The following SGCD variants were observed in gnomAD, a reference collection of about 807,000 sequenced individuals.
SGCD encodes the protein delta-sarcoglycan.
SGCD carries 18 observed loss-of-function variants against 36.6 expected under a neutral mutation model. The ratio of observed to expected loss-of-function variants is 0.49; its 90% CI spans 0.34 to 0.73. SGCD has a LOEUF of 0.73. SGCD is among the 30% of genes least tolerant of loss of function. The pLI is 0.01. For synonymous variants in SGCD, 133 were observed against 130.6 expected, an observed-to-expected ratio of 1.02 and a Z score of -0.12; for missense variants, 387 against 346.7, an observed-to-expected ratio of 1.12 and a Z score of -0.92.
chr5:156,133,797 G>A (rs938204351), intron 3 of SGCD, among the ~76,000 whole-genome samples: 1 of 151,358 alleles, frequency 6.6e-6, no homozygotes, highest in South Asian at 2.1e-4. Context: ...ATTATGTTTT[G>A]CAGTCTGTTT....
chr5:156,342,893 C>T (rs1768739214), intron 2 of SGCD, among the ~76,000 whole-genome samples: 1 of 152,158 alleles, frequency 6.6e-6, no homozygotes, highest in South Asian at 2.1e-4. Flanking sequence ...TCAATCATTC[C>T]ACACACATAT....
chr5:156,531,911 C>G (rs892428440), intron 4 of SGCD, among the ~76,000 whole-genome samples: 1 of 151,990 alleles, frequency 6.6e-6, no homozygotes, highest in Non-Finnish European at 1.5e-5. Flanking sequence ...GAGTTCGAGA[C>G]CAGCCTGGCC....
chr5:156,634,474 C>A (rs1031420679), intron 6 of SGCD, among the ~76,000 whole-genome samples: 1 of 152,128 alleles, frequency 6.6e-6, no homozygotes. Context: ...ACAACAACAA[C>A]AACAACAAAC....
chr5:156,107,087 T>C (rs1343041727), intron 1 of SGCD, among the ~76,000 whole-genome samples: 11 of 152,174 alleles, frequency 7.2e-5, no homozygotes, highest in Non-Finnish European at 1.3e-4. Context: ...TGATATACAG[T>C]CACTCTATTT....
At chr5:156,368,182 C>T (rs1241731525) in intron 3 of SGCD, among the ~76,000 whole-genome samples, 2 of 152,010 alleles carry the variant, frequency 1.3e-5, no homozygotes, top group African/African-American at 4.8e-5. Context: ...ACCTCTGCCT[C>T]CCGGGTTCAA....
intron 3 of SGCD, among the ~76,000 whole-genome samples, chr5:156,358,958 C>G (rs896745471): frequency 6.6e-6 from 1 of 151,922 alleles, no homozygotes; most frequent in Non-Finnish European, 1.5e-5. Context: ...TGCTGTTGAA[C>G]ATTTGGTGAG....
chr5:156,521,178 C>T (rs1001449130), intron 4 of SGCD, among the ~76,000 whole-genome samples: 8 of 152,118 alleles, frequency 5.3e-5, no homozygotes, highest in Non-Finnish European at 1.2e-4. Context: ...GGACCCCTTC[C>T]TTACACCATA....
At chr5:156,203,100 T>A (rs1349663634) in intron 3 of SGCD, among the ~76,000 whole-genome samples, 3 of 152,100 alleles carry the variant, frequency 2.0e-5, no homozygotes, top group African/African-American at 7.2e-5. Context: ...ATCCCAGAAT[T>A]AGTGTTTTAT....
chr5:156,280,535 A>C (rs1468993193), intron 3 of SGCD, among the ~76,000 whole-genome samples: 2 of 152,340 alleles, frequency 1.3e-5, no homozygotes, highest in South Asian at 4.1e-4. Flanking sequence ...ATTCAATCTA[A>C]TGGGAAGCCA....
the SGCD span, among the ~76,000 whole-genome samples, chr5:155,782,287 A>C: frequency 6.6e-6 from 1 of 152,044 alleles, no homozygotes; most frequent in East Asian, 1.9e-4. Flanking sequence ...GACTTCTCAA[A>C]GTGCTGGGAT....
intron 3 of SGCD, among the ~76,000 whole-genome samples, chr5:156,185,212 C>CTTTTTT (rs755578762): frequency 4.4e-5 from 5 of 113,228 alleles, no homozygotes; most frequent in Non-Finnish European, 8.9e-5. Context: ...CTTTAATTTT[C>CTTTTTT]TTTTTTTTTT....
the SGCD span, among the ~76,000 whole-genome samples, chr5:155,860,654 C>A: frequency 6.6e-6 from 1 of 152,256 alleles, no homozygotes; most frequent in Non-Finnish European, 1.5e-5. Flanking sequence ...CTCATTTTAC[C>A]AGGTACCTTG....
In SGCD at chr5:156,759,383, G is replaced by A; in HGVS notation, c.866G>A (p.Cys289Tyr). 1 of 1,606,290 alleles carries A rather than the reference G, an allele frequency of 6.2e-7. No homozygotes were observed. The highest frequency in any genetic ancestry group is 1.1e-5 in the South Asian group (1 of 90,526). Residue 289 changes from cysteine (C) to tyrosine (Y), a missense_variant, in exon 9 of 9, where the codon TGC becomes TAC. Transcript: ENST00000337851. ...ACTTGTCAGATAAACACAAGTGTCT[G>A]CCTCTGAAAGACTATCCATAGTGGA... is the stretch of plus-strand genomic sequence containing the variant. ...GSTCQINTSV[C>Y]L
intron 3 of SGCD, among the ~76,000 whole-genome samples, chr5:156,248,471 A>T (rs1476632378): frequency 6.6e-6 from 1 of 152,156 alleles, no homozygotes; most frequent in African/African-American, 2.4e-5. Flanking sequence ...GTGAGCTGAG[A>T]TCATGCCACT....
At chr5:156,453,051 G>T (rs1487623001) in intron 3 of SGCD, among the ~76,000 whole-genome samples, 1 of 152,012 alleles carries the variant, frequency 6.6e-6, no homozygotes, top group African/African-American at 2.4e-5. Context: ...ATTCAGTTTT[G>T]AATATTGTAT....
intron 3 of SGCD, among the ~76,000 whole-genome samples, chr5:156,493,933 C>T (rs1756058399): frequency 6.6e-6 from 1 of 152,122 alleles, no homozygotes; most frequent in Non-Finnish European, 1.5e-5. Context: ...CATCCCACAT[C>T]CTCTTGACAC....
intron 1 of SGCD, among the ~76,000 whole-genome samples, chr5:155,960,180 G>A (rs139332240): frequency 8.6e-5 from 13 of 150,608 alleles, no homozygotes; most frequent in African/African-American, 2.7e-4. Flanking sequence ...CACCTCTCCC[G>A]CTCCTTTTCT....
At chr5:156,348,194 A>T (rs1037946651) in intron 3 of SGCD, among the ~76,000 whole-genome samples, 1 of 152,214 alleles carries the variant, frequency 6.6e-6, no homozygotes, top group Non-Finnish European at 1.5e-5. Context: ...AAAATCAATG[A>T]GATGGCAGTA....
chr5:156,452,910 A>G (rs1315602191), intron 3 of SGCD, among the ~76,000 whole-genome samples: 1 of 152,192 alleles, frequency 6.6e-6, no homozygotes, highest in African/African-American at 2.4e-5. Flanking sequence ...TTTCCATAAA[A>G]ATGATTGGAG....
Sources: allele counts gnomAD v4.1 joint callset (sites outside exome capture counted in the v4.1 genomes callset), GRCh38; gene constraint gnomAD v4.1.1; transcripts MANE v1.5; gene names NCBI Gene and HGNC (gene_info 2026-07-23, HGNC 2026-07-21).